E2F3: variants seen among roughly 807,000 people sequenced by gnomAD.
The protein encoded by E2F3 is transcription factor E2F3.
In E2F3, 11 loss-of-function variants were observed where a neutral mutation model predicts 44.4. That is an observed-to-expected ratio of 0.25 (90% CI 0.16 to 0.41). The LOEUF (loss-of-function observed/expected upper bound fraction) is 0.41. E2F3 is among the 10% of genes least tolerant of loss of function. E2F3 has a pLI of 1.00. For missense variants in E2F3, 487 were observed against 583.6 expected, an observed-to-expected ratio of 0.83 and a Z score of 1.70; for synonymous variants, 249 against 253.0, an observed-to-expected ratio of 0.98 and a Z score of 0.15.
At chr6:20,424,534 A>G (rs1462505861) in intron 1 of E2F3, among the ~76,000 whole-genome samples, 3 of 152,108 alleles carry the variant, frequency 2.0e-5, no homozygotes, top group Non-Finnish European at 4.4e-5. Flanking sequence ...TGTTTTGAAT[A>G]CAGTAGCTTT....
chr6:20,433,751 C>G (rs1760485893), intron 1 of E2F3, among the ~76,000 whole-genome samples: 1 of 151,846 alleles, frequency 6.6e-6, no homozygotes. Context: ...TATATATTTT[C>G]TTTTTTAAGA....
chr6:20,420,504 G>A (rs542276563), intron 1 of E2F3, among the ~76,000 whole-genome samples: 19 of 152,130 alleles, frequency 1.2e-4, no homozygotes, highest in African/African-American at 4.1e-4. Flanking sequence ...TTGCAGGTCT[G>A]ATTCCAGAGC....
intron 1 of E2F3, among the ~76,000 whole-genome samples, chr6:20,458,850 G>A (rs1324796938): frequency 6.6e-6 from 1 of 152,154 alleles, no homozygotes; most frequent in East Asian, 1.9e-4. Context: ...CCCCAGGCTG[G>A]GTGTCTTCGG....
At chr6:20,427,626 C>T (rs1760259018) in intron 1 of E2F3, among the ~76,000 whole-genome samples, 1 of 152,070 alleles carries the variant, frequency 6.6e-6, no homozygotes, top group Admixed American at 6.6e-5. Context: ...TCTTGGGGAC[C>T]TCAGGGAGGT....
In E2F3 at chr6:20,493,147, A is replaced by G. The variant is rs1762598848; in HGVS notation, c.*2717A>G. On this transcript the variant is annotated 3_prime_UTR_variant, in exon 7 of 7. Coordinates refer to ENST00000346618, the MANE Select transcript of E2F3 (RefSeq NM_001949.5). ...TTAGCAATTTTGTACAAAAATAGCA[A>G]TTAATTTGTAAACACTGCCAGAATA... is the stretch of plus-strand genomic sequence containing the variant. 1 of 223,980 alleles carries G rather than the reference A, an allele frequency of 4.5e-6. No individual in the cohort carries two copies. The highest frequency in any genetic ancestry group is 2.2e-5 in the African/African-American group (1 of 44,816). 13.9% of individuals were successfully genotyped at this position (223,980 alleles called of 1,614,324 possible). A position where few individuals can be genotyped will look rare whatever the true frequency, so the allele number is the denominator to read the frequency against.
At chr6:20,432,709 C>T (rs1191419548) in intron 1 of E2F3, among the ~76,000 whole-genome samples, 1 of 152,170 alleles carries the variant, frequency 6.6e-6, no homozygotes, top group Non-Finnish European at 1.5e-5. Context: ...GAGAGGTGAA[C>T]AGGGCCTCTT....
At chr6:20,420,289 C>T (rs997894869) in intron 1 of E2F3, among the ~76,000 whole-genome samples, 2 of 152,108 alleles carry the variant, frequency 1.3e-5, no homozygotes, top group East Asian at 1.9e-4. Context: ...ATGAAAAAGA[C>T]GAATTAGTAA....
intron 1 of E2F3, among the ~76,000 whole-genome samples, chr6:20,448,949 C>A (rs1329869629): frequency 7.9e-5 from 12 of 152,204 alleles, no homozygotes. Context: ...TGGCTTCTTT[C>A]ATCTTCAGAG....
In E2F3 at chr6:20,490,702, G is replaced by T; in HGVS notation, c.*272G>T. On this transcript the variant is annotated 3_prime_UTR_variant, in exon 7 of 7. Transcript: ENST00000346618. This position sits in a 1 kb window ranked among gnomAD's most constrained non-coding sequence, Gnocchi z 4.3. ...TGGCTAAGTCAGCAAGTGAGAAAAT[G>T]TGCAATCAGGTGTCTCTCACCCCGA... The T allele has an allele frequency of 6.8e-6, 2 of 295,656 alleles. No individual in the cohort carries two copies. Among genetic ancestry groups the T allele is most frequent in the Non-Finnish European group, 1.2e-5 (2 of 160,890 alleles). The allele number at this position is 295,656 out of a possible 1,614,324, so 18.3% of individuals were successfully genotyped here.
intron 1 of E2F3, among the ~76,000 whole-genome samples, chr6:20,464,226 C>CTT (rs755593440): frequency 2.0e-5 from 3 of 152,152 alleles, no homozygotes; most frequent in Non-Finnish European, 4.4e-5. Flanking sequence ...ATCAGATGGG[C>CTT]TGTTGTCTGT....
Position 20,492,912 on chromosome 6 carries a change from C to G in E2F3, c.*2482C>G, listed in dbSNP as rs1762592210. 1 of 217,182 alleles carries G rather than the reference C, an allele frequency of 4.6e-6. No individual in the cohort carries two copies. The highest frequency in any genetic ancestry group is 9.3e-6 in the Non-Finnish European group (1 of 107,748). 13.5% of individuals were successfully genotyped at this position (217,182 alleles called of 1,614,324 possible). A position where few individuals can be genotyped will look rare whatever the true frequency, so the allele number is the denominator to read the frequency against. ...TACTAAGTATGCAGGTTTCCTGGTACCATTGAGTTGCTGCTATTAAAGCTC... is the reference window on the plus strand; with the variant it reads ...TACTAAGTATGCAGGTTTCCTGGTAGCATTGAGTTGCTGCTATTAAAGCTC... On this transcript the variant is annotated 3_prime_UTR_variant, in exon 7 of 7. Transcript: ENST00000346618.
At chr6:20,483,907 A>G (rs1040961360) in intron 4 of E2F3, among the ~76,000 whole-genome samples, 2 of 152,220 alleles carry the variant, frequency 1.3e-5, no homozygotes, top group African/African-American at 2.4e-5. Context: ...TTTTCTTCCA[A>G]TGTTGGCAGT....
At chr6:20,447,241 G>A (rs1425710791) in intron 1 of E2F3, among the ~76,000 whole-genome samples, 1 of 152,136 alleles carries the variant, frequency 6.6e-6, no homozygotes, top group Non-Finnish European at 1.5e-5. Flanking sequence ...ATGTTGGGGG[G>A]AAGGGCACTG....
intron 1 of E2F3, among the ~76,000 whole-genome samples, chr6:20,454,495 TTC>T (rs1761244717): frequency 6.6e-6 from 1 of 152,172 alleles, no homozygotes; most frequent in Non-Finnish European, 1.5e-5. Flanking sequence ...TAGGAAACTT[TTC>T]TGAGTTTTTT....
chr6:20,445,634 C>A (rs1561864241), intron 1 of E2F3, among the ~76,000 whole-genome samples: 1 of 152,128 alleles, frequency 6.6e-6, no homozygotes, highest in Non-Finnish European at 1.5e-5. Flanking sequence ...TTTGTCATCA[C>A]TCTGAAGGGC....
At chr6:20,471,304 C>T (rs114355378) in intron 1 of E2F3, among the ~76,000 whole-genome samples, 2,897 of 152,188 alleles carry the variant, frequency 0.019, 40 homozygotes, top group South Asian at 0.039. Context: ...ACATATAGGC[C>T]GGGCACGGTG....
intron 6 of E2F3, among the ~76,000 whole-genome samples, chr6:20,488,681 G>T (rs1306616300): frequency 6.6e-6 from 1 of 152,122 alleles, no homozygotes; most frequent in East Asian, 1.9e-4. Flanking sequence ...ATGGGGAGAG[G>T]ATATGGGAGG....
intron 6 of E2F3, among the ~76,000 whole-genome samples, chr6:20,488,917 C>T (rs1442030769): frequency 1.3e-5 from 2 of 152,092 alleles, no homozygotes; most frequent in African/African-American, 4.8e-5. Flanking sequence ...TCACTTGAAC[C>T]AGGGAGTCGG....
chr6:20,427,819 C>T (rs1470554369), intron 1 of E2F3, among the ~76,000 whole-genome samples: 1 of 152,180 alleles, frequency 6.6e-6, no homozygotes, highest in Non-Finnish European at 1.5e-5. Context: ...TTTACATTTG[C>T]ATCTCTGATA....
Sources: gnomAD v4.1 joint callset for allele counts (sites outside exome capture counted in the v4.1 genomes callset) on GRCh38, gnomAD v4.1.1 for gene constraint, Gnocchi (gnomAD v3.1) non-coding constraint, MANE v1.5 for transcripts, NCBI Gene and HGNC (gene_info 2026-07-23, HGNC 2026-07-21) for gene names.